Variants in FUT8 observed in about 807,000 individuals in gnomAD.
The protein encoded by FUT8 is fucosyltransferase 8.
FUT8 carries 29 observed loss-of-function variants against 71.3 expected under a neutral mutation model. The observed-to-expected ratio is 0.41, with a 90% CI of 0.30 to 0.55. FUT8 has a LOEUF of 0.55. FUT8 is among the 20% of genes least tolerant of loss of function. The pLI is 0.34. For missense variants in FUT8, 544 were observed against 702.1 expected (o/e 0.77, Z 2.55); for synonymous variants, 254 against 239.3 (o/e 1.06, Z -0.57).
rs752157104 is a variant in FUT8, at chr14:65,733,239, A to G, written c.1268A>G (p.Asn423Ser). Residue 423 changes from asparagine (N) to serine (S), a missense_variant, in exon 10 of 11, where the codon AAT becomes AGT. Physicochemically the swap from Asn to Ser is conservative, Grantham distance 46. Coordinates refer to ENST00000673929, the MANE Select transcript of FUT8 (RefSeq NM_001371533.1). ...TTAATTTATTTTTTCAGGTACCCCAATTATGAATTTATTAGTGATAACTCT... is the reference window on the plus strand; with the variant it reads ...TTAATTTATTTTTTCAGGTACCCCAGTTATGAATTTATTAGTGATAACTCT... ...LLKEAKTKYP[N>S]YEFISDNSIS... 2 of 1,590,728 alleles carry G rather than the reference A, an allele frequency of 1.3e-6. No individual in the cohort carries two copies. The highest frequency in any genetic ancestry group is 1.1e-5 in the South Asian group (1 of 88,350).
At chr14:65,405,177 C>T in the FUT8 span, among the ~76,000 whole-genome samples, 11 of 152,272 alleles carry the variant, frequency 7.2e-5, no homozygotes, top group Admixed American at 2.6e-4. Context: ...GGTGCATCTC[C>T]TTCATTTTCA....
chr14:65,520,713 T>C (rs1883025238), intron 2 of FUT8, among the ~76,000 whole-genome samples: 1 of 152,132 alleles, frequency 6.6e-6, no homozygotes, highest in African/African-American at 2.4e-5. Flanking sequence ...TGGTTCTGTT[T>C]AGTAACATTT....
chr14:65,597,743 A>G (rs1369053199), intron 3 of FUT8, among the ~76,000 whole-genome samples: 1 of 152,186 alleles, frequency 6.6e-6, no homozygotes, highest in African/African-American at 2.4e-5. Context: ...AACTCTAAAC[A>G]TCTGTTATAC....
chr14:65,611,280 CACACACACACACACACACACA>C lies in FUT8; in HGVS notation c.204-4697_204-4677del, dbSNP rs1566851480. Among the ~76,000 whole-genome samples the C allele has an allele frequency of 3.8e-4, 16 of 41,842 alleles. 1 individual carries two copies. The highest frequency in any genetic ancestry group is 1.3e-3 in the East Asian group (1 of 798). The allele number at this position is 41,842 out of a possible 152,430, so 27.4% of individuals were successfully genotyped here. A position where few individuals can be genotyped will look rare whatever the true frequency, so the allele number is the denominator to read the frequency against. On this transcript the variant is annotated intron_variant, in intron 3 of 10. Coordinates refer to ENST00000673929, the MANE Select transcript of FUT8 (RefSeq NM_001371533.1). ...ACACACACACACACACACACACACA[CACACACACACACACACACACA>C]CCCCCCAAGTAATAGCCTTGATTTT... is the stretch of plus-strand genomic sequence containing the variant.
rs781442233 is a variant in FUT8 at position 65,733,313 on chromosome 14, C to T, written c.1342C>T (p.Arg448Cys). The change falls in exon 10 of 11, where the codon CGT becomes TGT. Residue 448 changes from arginine to cysteine, a missense_variant. Coordinates refer to ENST00000673929, the MANE Select transcript of FUT8 (RefSeq NM_001371533.1). ...LHNRYTENSL[R>C]GVILDIHFLS... is the part of the protein sequence containing the mutation. ...CAATCGATACACAGAAAATTCACTTCGTGGAGTGATCCTGGATATACATTT... is the reference window on the plus strand; with the variant it reads ...CAATCGATACACAGAAAATTCACTTTGTGGAGTGATCCTGGATATACATTT... 1.2e-6 allele frequency: 2 copies of T among 1,610,122 alleles called. No homozygotes were observed. Among genetic ancestry groups the T allele is most frequent in the East Asian group, 2.2e-5 (1 of 44,726 alleles).
intron 2 of FUT8, among the ~76,000 whole-genome samples, chr14:65,537,591 G>T (rs535616883): frequency 6.6e-6 from 1 of 152,090 alleles, no homozygotes; most frequent in African/African-American, 2.4e-5. Flanking sequence ...GTTTCACCAT[G>T]TTAGCCAGGA....
intron 6 of FUT8, among the ~76,000 whole-genome samples, chr14:65,666,390 C>CT (rs1892216471): frequency 6.6e-6 from 1 of 152,072 alleles, no homozygotes; most frequent in South Asian, 2.1e-4. Context: ...CCATCAGAGA[C>CT]TATGTTCATA....
rs558169725 is a variant in FUT8, at chr14:65,633,252, C to T, written c.597+3646C>T. On this transcript the variant is annotated intron_variant, in intron 6 of 10. Coordinates refer to ENST00000673929, the MANE Select transcript of FUT8 (RefSeq NM_001371533.1). ...GCCGGGCTGGTCTCCAGCTCCTAAC[C>T]GCGAGTGATCCGCCAGCCTCGGCCT... 4.1e-3 allele frequency among the ~76,000 whole-genome samples: 629 copies of T among 152,308 alleles called. 3 individuals carry two copies. The highest frequency in any genetic ancestry group is 7.3e-3 in the Non-Finnish European group (499 of 68,022).
intron 7 of FUT8, among the ~76,000 whole-genome samples, chr14:65,717,208 T>A (rs1321194497): frequency 1.2e-5 from 1 of 80,230 alleles, no homozygotes. Context: ...GAGGCGCTCC[T>A]CACCTCCCAG....
chr14:65,430,940 G>A (rs2065463027), intron 1 of FUT8, among the ~76,000 whole-genome samples: 1 of 151,312 alleles, frequency 6.6e-6, no homozygotes, highest in Admixed American at 6.6e-5. Context: ...TGCATTGATT[G>A]GCAATTCTTT....
At chr14:65,444,388 A>G (rs1279885188) in intron 1 of FUT8, among the ~76,000 whole-genome samples, 1 of 152,244 alleles carries the variant, frequency 6.6e-6, no homozygotes, top group Non-Finnish European at 1.5e-5. Flanking sequence ...ACTTCAGAGA[A>G]CAATTTGGTG....
At chr14:65,703,528 C>T (rs1025417525) in intron 7 of FUT8, among the ~76,000 whole-genome samples, 9 of 152,280 alleles carry the variant, frequency 5.9e-5, no homozygotes, top group East Asian at 3.9e-4. Flanking sequence ...TTTTACACAG[C>T]GCAAAAGGAA....
chr14:65,427,008 G>A lies in FUT8; in HGVS notation c.-326+13794G>A, dbSNP rs145451086. On this transcript the variant is annotated intron_variant, in intron 1 of 10. Coordinates refer to ENST00000673929, the MANE Select transcript of FUT8 (RefSeq NM_001371533.1). ...CTAGTAGCTGGGACTACAGGTGCCC[G>A]CTACCATGCCCGGCTAATTTTGTTT... Among the ~76,000 whole-genome samples the A allele has an allele frequency of 3.8e-3, 571 of 152,054 alleles. 2 individuals carry two copies. The highest frequency in any genetic ancestry group is 0.012 in the African/African-American group (493 of 41,458).
the FUT8 span, among the ~76,000 whole-genome samples, chr14:65,402,249 G>C: frequency 9.4e-5 from 13 of 138,112 alleles, no homozygotes; most frequent in Non-Finnish European, 2.0e-4. Context: ...TGTCCCACAG[G>C]CTGGAATGCT....
intron 2 of FUT8, among the ~76,000 whole-genome samples, chr14:65,535,658 T>A (rs1884257971): frequency 6.6e-6 from 1 of 152,216 alleles, no homozygotes; most frequent in African/African-American, 2.4e-5. Flanking sequence ...GTTGGTATGA[T>A]TTCCGCTCTT....
rs745307171 is a variant in FUT8 at position 65,638,712 on chromosome 14, C to T, written c.597+9106C>T. ...TCATTTTTCTTTGACAGGACTAATT[C>T]GTTAAGATAGATTTAAAGCCAGAAT... On this transcript the variant is annotated intron_variant, in intron 6 of 10. Coordinates refer to ENST00000673929, the MANE Select transcript of FUT8 (RefSeq NM_001371533.1). The surrounding 1 kb of genome is among the most constrained non-coding windows in gnomAD (Gnocchi z 4.5). Among the ~76,000 whole-genome samples the T allele has an allele frequency of 1.3e-5, 2 of 152,148 alleles. No homozygotes were observed. Among genetic ancestry groups the T allele is most frequent in the South Asian group, 2.1e-4 (1 of 4,818 alleles).
chr14:65,553,099 G>T (rs900200163), intron 2 of FUT8, among the ~76,000 whole-genome samples: 2 of 152,136 alleles, frequency 1.3e-5, no homozygotes, highest in African/African-American at 4.8e-5. Context: ...GGGACTATAG[G>T]CGTGCACCAC....
intron 2 of FUT8, among the ~76,000 whole-genome samples, chr14:65,474,691 A>G (rs1048167578): frequency 6.6e-6 from 1 of 152,022 alleles, no homozygotes; most frequent in Non-Finnish European, 1.5e-5. Context: ...TGGCTTTTTT[A>G]CTCTTGTCAT....
intron 3 of FUT8, among the ~76,000 whole-genome samples, chr14:65,611,191 ACACACACGCGCGCGCGCGCG>A (rs1888885163): frequency 1.6e-4 from 1 of 6,094 alleles, no homozygotes; most frequent in African/African-American, 6.0e-4. Flanking sequence ...TCATACACAC[ACACACACGCGCGCGCGCGCG>A]CGCGCGCGCG....
Sources: gnomAD v4.1 joint callset for allele counts (sites outside exome capture counted in the v4.1 genomes callset) on GRCh38, gnomAD v4.1.1 for gene constraint, Gnocchi (gnomAD v3.1) non-coding constraint, MANE v1.5 for transcripts, NCBI Gene and HGNC (gene_info 2026-07-23, HGNC 2026-07-21) for gene names.